Variants in EXOC6B observed in about 807,000 individuals in gnomAD.
EXOC6B encodes SEC15 homolog B.
In EXOC6B, 54 loss-of-function variants were observed where a neutral mutation model predicts 113.5. The ratio of observed to expected loss-of-function variants is 0.48; its 90% CI spans 0.38 to 0.60. The LOEUF (loss-of-function observed/expected upper bound fraction) is 0.60. Among genes scored for constraint, EXOC6B ranks in the 20% least tolerant of loss-of-function variants. The pLI is 0.00. For synonymous variants in EXOC6B, 357 were observed against 339.0 expected (o/e 1.05, Z -0.58); for missense variants, 797 against 977.5 (o/e 0.82, Z 2.46).
intron 20 of EXOC6B, among the ~76,000 whole-genome samples, chr2:72,300,064 G>A (rs1183762638): frequency 6.6e-6 from 1 of 152,192 alleles, no homozygotes; most frequent in African/African-American, 2.4e-5. Flanking sequence ...TTGGAGATCT[G>A]CTGCTCTCTT....
At chr2:72,360,930 C>CAAAAA (rs3063329) in intron 19 of EXOC6B, among the ~76,000 whole-genome samples, 3 of 91,136 alleles carry the variant, frequency 3.3e-5, no homozygotes, top group African/African-American at 1.1e-4. Flanking sequence ...GACTCCATCT[C>CAAAAA]AAAAAAAAAA....
At chr2:72,352,576 A>C (rs1689717611) in intron 19 of EXOC6B, among the ~76,000 whole-genome samples, 1 of 152,186 alleles carries the variant, frequency 6.6e-6, no homozygotes, top group Non-Finnish European at 1.5e-5. Flanking sequence ...ATACTGTAAT[A>C]CTAGAAGTAG....
intron 6 of EXOC6B, among the ~76,000 whole-genome samples, chr2:72,662,191 ATGAAAATTAAC>A (rs1675071953): frequency 6.6e-6 from 1 of 152,188 alleles, no homozygotes; most frequent in South Asian, 2.1e-4. Flanking sequence ...TACACCTCAC[ATGAAAATTAAC>A]TGAAAATTGC....
At chr2:72,345,308 G>T (rs1420118107) in intron 19 of EXOC6B, among the ~76,000 whole-genome samples, 1 of 152,060 alleles carries the variant, frequency 6.6e-6, no homozygotes, top group Non-Finnish European at 1.5e-5. Flanking sequence ...CTTATCATCA[G>T]CCCAGTAACT....
chr2:72,465,400 T>C, intron 17 of EXOC6B, 61 bp from the exon 18 acceptor site: 2 of 1,353,350 alleles, frequency 1.5e-6, no homozygotes, highest in Non-Finnish European at 2.0e-6. Context: ...GAAATTTCTA[T>C]GAGCTTAGAG....
chr2:72,182,889 C>G, intron 21 of EXOC6B: 1 of 1,231,248 alleles, frequency 8.1e-7, no homozygotes, highest in Non-Finnish European at 1.0e-6. Context: ...GAATAATATA[C>G]TTACTCTCTA....
At chr2:72,551,656 C>T (rs1473050699) in intron 8 of EXOC6B, among the ~76,000 whole-genome samples, 12 of 151,850 alleles carry the variant, frequency 7.9e-5, no homozygotes, top group Non-Finnish European at 1.6e-4. Flanking sequence ...AGGCGCCCGC[C>T]ACCACGCCCG....
At chr2:72,565,918 A>C (rs1346123190) in intron 7 of EXOC6B, among the ~76,000 whole-genome samples, 1 of 152,074 alleles carries the variant, frequency 6.6e-6, no homozygotes, top group Non-Finnish European at 1.5e-5. Flanking sequence ...TTATACGTGC[A>C]TTTACCCCTT....
chr2:72,371,342 A>G (rs1359439767), intron 19 of EXOC6B, among the ~76,000 whole-genome samples: 3 of 152,208 alleles, frequency 2.0e-5, no homozygotes, highest in Non-Finnish European at 2.9e-5. Flanking sequence ...CTCATTCTAC[A>G]AGATCAGTAT....
At chr2:72,349,473 G>A (rs369421319) in intron 19 of EXOC6B, among the ~76,000 whole-genome samples, 1 of 152,162 alleles carries the variant, frequency 6.6e-6, no homozygotes, top group Non-Finnish European at 1.5e-5. Flanking sequence ...TCCAGGAGGC[G>A]AGAAGTACTG....
intron 18 of EXOC6B, among the ~76,000 whole-genome samples, chr2:72,401,586 T>TATAC (rs1401646237): frequency 1.7e-4 from 6 of 34,590 alleles, no homozygotes; most frequent in Non-Finnish European, 2.6e-4. Flanking sequence ...TATATACATA[T>TATAC]ATATATATAT....
intron 1 of EXOC6B, among the ~76,000 whole-genome samples, chr2:72,820,573 T>C (rs187248599): frequency 3.3e-5 from 5 of 152,226 alleles, no homozygotes; most frequent in Middle Eastern, 3.4e-3. Context: ...TAGAGCAAAC[T>C]TCCCTGGGTG....
At chr2:72,695,263 C>T (rs1280207200) in intron 6 of EXOC6B, among the ~76,000 whole-genome samples, 1 of 152,256 alleles carries the variant, frequency 6.6e-6, no homozygotes, top group East Asian at 1.9e-4. Context: ...TAGTAGTAAA[C>T]TTAGTAAAAG....
intron 19 of EXOC6B, among the ~76,000 whole-genome samples, chr2:72,379,465 G>A (rs1424124185): frequency 2.0e-5 from 3 of 152,078 alleles, no homozygotes; most frequent in Non-Finnish European, 2.9e-5. Context: ...TTAAATGCAC[G>A]CCTCCCTTAT....
chr2:72,510,243 G>T (rs193275083), intron 11 of EXOC6B, among the ~76,000 whole-genome samples: 15 of 152,110 alleles, frequency 9.9e-5, no homozygotes, highest in African/African-American at 3.6e-4. Flanking sequence ...AAAGAATAGG[G>T]AAATAGGCAT....
intron 20 of EXOC6B, among the ~76,000 whole-genome samples, chr2:72,203,428 A>T (rs1679618049): frequency 6.6e-6 from 1 of 152,210 alleles, no homozygotes; most frequent in African/African-American, 2.4e-5. Flanking sequence ...TATACTTAGC[A>T]TCGAGTATAG....
intron 6 of EXOC6B, among the ~76,000 whole-genome samples, chr2:72,635,070 G>A (rs539786897): frequency 6.6e-6 from 1 of 152,160 alleles, no homozygotes; most frequent in South Asian, 2.1e-4. Flanking sequence ...CTAATGCAAG[G>A]AGGAAATTTC....
intron 20 of EXOC6B, among the ~76,000 whole-genome samples, chr2:72,275,920 C>A (rs970949481): frequency 2.6e-5 from 4 of 152,132 alleles, no homozygotes; most frequent in African/African-American, 9.7e-5. Context: ...AGAGGCCACT[C>A]GGAGTTCATG....
At position 72,515,421 on chromosome 2, in the gene EXOC6B, T is replaced by C. The variant is rs1230798162; in HGVS notation, c.916-295A>G. On this transcript the variant is annotated intron_variant, in intron 8 of 21. Transcript: ENST00000272427. ...ATCAACTGTCTCAAATTCACAAGAATGCAGGGAAACCAACCTTTCCATAAG... is the reference window on the plus strand; with the variant it reads ...ATCAACTGTCTCAAATTCACAAGAACGCAGGGAAACCAACCTTTCCATAAG... 3.4e-6 allele frequency: 4 copies of C among 1,177,360 alleles called. No homozygotes were observed. In the Admixed American group the frequency reaches 1.3e-4, roughly 38 times the overall value. 72.9% of individuals were successfully genotyped at this position (1,177,360 alleles called of 1,614,324 possible).
Sources: gnomAD v4.1 joint callset for allele counts (sites outside exome capture counted in the v4.1 genomes callset) on GRCh38, gnomAD v4.1.1 for gene constraint, MANE v1.5 for transcripts, NCBI Gene and HGNC (gene_info 2026-07-23, HGNC 2026-07-21) for gene names.